The following CREB5 variants were observed in gnomAD, a reference collection of about 807,000 sequenced individuals.
CREB5 encodes cAMP responsive element binding protein 5.
Under a neutral mutation model 57.1 loss-of-function variants are expected in CREB5, and 19 were observed. The ratio of observed to expected loss-of-function variants is 0.33; its 90% CI spans 0.23 to 0.49. The LOEUF (loss-of-function observed/expected upper bound fraction) is 0.49. Ranked by LOEUF, CREB5 falls within the 20% of genes least tolerant of loss-of-function variation. CREB5 has a pLI of 0.99. For missense variants in CREB5, 579 were observed against 671.6 expected, an observed-to-expected ratio of 0.86 and a Z score of 1.52; for synonymous variants, 238 against 238.3, an observed-to-expected ratio of 1.00 and a Z score of 0.01.
chr7:28,610,756 A>G (rs1797350846), intron 5 of CREB5, among the ~76,000 whole-genome samples: 1 of 152,198 alleles, frequency 6.6e-6, no homozygotes, highest in Non-Finnish European at 1.5e-5. Context: ...TGGGCCTGGA[A>G]GGTCCAGGAA....
chr7:28,548,370 T>G (rs764182329), intron 4 of CREB5, among the ~76,000 whole-genome samples: 1 of 152,192 alleles, frequency 6.6e-6, no homozygotes, highest in Non-Finnish European at 1.5e-5. Flanking sequence ...AGCTCTGTAA[T>G]TTTCTTAGCT....
chr7:28,804,993 G>A (rs1302542690), intron 8 of CREB5, among the ~76,000 whole-genome samples: 1 of 152,202 alleles, frequency 6.6e-6, no homozygotes. Context: ...GCAATCTTCT[G>A]AGTAACAGTG....
intron 4 of CREB5, among the ~76,000 whole-genome samples, chr7:28,516,182 C>T (rs553878617): frequency 8.6e-4 from 130 of 151,900 alleles, no homozygotes; most frequent in Non-Finnish European, 1.4e-3. Flanking sequence ...CCACTGTACT[C>T]GACTGAGTGA....
intron 1 of CREB5, among the ~76,000 whole-genome samples, chr7:28,425,450 G>A (rs1175678243): frequency 6.6e-6 from 1 of 151,880 alleles, no homozygotes; most frequent in Non-Finnish European, 1.5e-5. Context: ...GGGGTGGGGA[G>A]TTCAGGGGTG....
intron 5 of CREB5, among the ~76,000 whole-genome samples, chr7:28,655,782 A>G (rs1267596206): frequency 3.3e-5 from 5 of 152,188 alleles, no homozygotes; most frequent in Non-Finnish European, 7.3e-5. Context: ...AGTTTTCATA[A>G]TGGTACCATC....
chr7:28,359,877 A>G (rs187859144), intron 1 of CREB5, among the ~76,000 whole-genome samples: 9 of 152,364 alleles, frequency 5.9e-5, no homozygotes, highest in Admixed American at 2.0e-4. Flanking sequence ...ACTCAATAGC[A>G]AGGAAACAAA....
At chr7:28,695,443 G>C (rs932786870) in intron 5 of CREB5, among the ~76,000 whole-genome samples, 1 of 152,130 alleles carries the variant, frequency 6.6e-6, no homozygotes, top group Non-Finnish European at 1.5e-5. Flanking sequence ...TGGTGGGGTG[G>C]GAGGGAGCAA....
intron 7 of CREB5, among the ~76,000 whole-genome samples, chr7:28,744,397 G>A (rs1804578461): frequency 7.6e-6 from 1 of 131,906 alleles, no homozygotes. Context: ...TACCAGGCTG[G>A]AATGCAGTGA....
intron 7 of CREB5, among the ~76,000 whole-genome samples, chr7:28,777,575 A>G (rs1806732804): frequency 6.6e-6 from 1 of 152,204 alleles, no homozygotes; most frequent in African/African-American, 2.4e-5. Flanking sequence ...AAAATAAGAC[A>G]GTGGGAAGTC....
At chr7:28,475,395 A>AC (rs1791027763) in intron 1 of CREB5, among the ~76,000 whole-genome samples, 1 of 149,214 alleles carries the variant, frequency 6.7e-6, no homozygotes, top group Admixed American at 6.7e-5. Context: ...ACATAGTGAG[A>AC]CCCCATCTCT....
intron 1 of CREB5, among the ~76,000 whole-genome samples, chr7:28,484,049 T>A (rs1791456270): frequency 6.6e-6 from 1 of 152,192 alleles, no homozygotes; most frequent in African/African-American, 2.4e-5. Context: ...GAATGCCTAC[T>A]ATGTAAGCTC....
intron 1 of CREB5, among the ~76,000 whole-genome samples, chr7:28,351,020 G>A (rs1467164661): frequency 3.9e-5 from 6 of 152,168 alleles, no homozygotes; most frequent in African/African-American, 1.4e-4. Flanking sequence ...CATACAATGA[G>A]TCTTATGAAT....
chr7:28,642,975 C>CAT (rs1554279303), intron 5 of CREB5, among the ~76,000 whole-genome samples: 3,956 of 85,932 alleles, frequency 0.046, 46 homozygotes, highest in Middle Eastern at 0.11. Context: ...CACACACACA[C>CAT]ACACACACAC....
At chr7:28,570,079 C>A (rs1795635479) in intron 4 of CREB5, among the ~76,000 whole-genome samples, 1 of 152,172 alleles carries the variant, frequency 6.6e-6, no homozygotes, top group Admixed American at 6.5e-5. Context: ...TCAGAGAAGG[C>A]AGGCACTAAA....
intron 1 of CREB5, among the ~76,000 whole-genome samples, chr7:28,305,430 C>T (rs1037975834): frequency 1.1e-4 from 16 of 152,180 alleles, no homozygotes; most frequent in African/African-American, 3.4e-4. Context: ...TCAGTGTGGA[C>T]GTCAGGGGAA....
At chr7:28,818,778 C>A (rs1342064306) in intron 10 of CREB5, 4 of 477,532 alleles carry the variant, frequency 8.4e-6, no homozygotes, top group Non-Finnish European at 1.7e-5. Context: ...AACACAGATT[C>A]TCCCACCACA....
At chr7:28,707,621 C>T (rs1802184137) in intron 5 of CREB5, among the ~76,000 whole-genome samples, 1 of 152,150 alleles carries the variant, frequency 6.6e-6, no homozygotes, top group African/African-American at 2.4e-5. Flanking sequence ...GCCAGTTCTT[C>T]CTCCTTCTCC....
At chr7:28,480,606 A>C (rs1337950893) in intron 1 of CREB5, among the ~76,000 whole-genome samples, 2 of 152,218 alleles carry the variant, frequency 1.3e-5, no homozygotes, top group Non-Finnish European at 2.9e-5. Context: ...TCCCATTAGA[A>C]ACAAGCTAAA....
Position 28,718,746 on chromosome 7 carries a change from G to C in CREB5, c.465-7G>C. On this transcript the variant is annotated splice_region_variant and splice_polypyrimidine_tract_variant and intron_variant, in intron 5 of 10. Coordinates refer to ENST00000357727, the MANE Select transcript of CREB5 (RefSeq NM_182898.4). ...ATCATGTTTGTTTGTTTTTTTCTTTGTCCCAGGCCTGTCCCAGGCTCTCTA... is the reference window on the plus strand; with the variant it reads ...ATCATGTTTGTTTGTTTTTTTCTTTCTCCCAGGCCTGTCCCAGGCTCTCTA... The C allele has an allele frequency of 2.5e-6, 4 of 1,613,238 alleles. No individual in the cohort carries two copies. In the African/African-American group the frequency reaches 4.0e-5, roughly 16 times the overall value.
Sources: gnomAD v4.1 joint callset for allele counts (sites outside exome capture counted in the v4.1 genomes callset) on GRCh38, gnomAD v4.1.1 for gene constraint, MANE v1.5 for transcripts, NCBI Gene and HGNC (gene_info 2026-07-23, HGNC 2026-07-21) for gene names.